Variants in EPSTI1 observed in about 807,000 individuals in gnomAD.
The protein encoded by EPSTI1 is epithelial-stromal interaction protein 1.
In EPSTI1, 66 loss-of-function variants were observed where a neutral mutation model predicts 49.9. The ratio of observed to expected loss-of-function variants is 1.32; its 90% CI spans 1.08 to 1.62. The LOEUF is 1.62. Among genes scored for constraint, EPSTI1 ranks in the 40% most tolerant of loss-of-function variants. EPSTI1 has a pLI of 0.00. For missense variants in EPSTI1, 394 were observed against 365.5 expected, an observed-to-expected ratio of 1.08 and a Z score of -0.64; for synonymous variants, 137 against 130.7, an observed-to-expected ratio of 1.05 and a Z score of -0.33.
rs1389802911 is a variant in EPSTI1, at chr13:42,963,327, TTC to T, written c.415_416del (p.Glu139ArgfsTer10). On this transcript the variant is annotated frameshift_variant, in exon 5 of 11. Coordinates refer to ENST00000313624, the MANE Select transcript of EPSTI1 (RefSeq NM_033255.5). LOFTEE classifies it high-confidence loss of function. ...CTTCCTTCTTGATTCTTACAGATTC[TTC>T]TCTTTTTAGCTAAATTGTATTGAAA... ...QSKYKQKLKR[E>X]ESVRIKKEAE... The T allele has an allele frequency of 3.1e-6, 5 of 1,611,706 alleles. No individual in the cohort carries two copies. Among genetic ancestry groups the T allele is most frequent in the East Asian group, 2.2e-5 (1 of 44,866 alleles).
chr13:42,898,535 T>G (rs7327332), intron 9 of EPSTI1, among the ~76,000 whole-genome samples: 57,813 of 151,978 alleles, frequency 0.38, 11,331 homozygotes, highest in East Asian at 0.59. Flanking sequence ...TGGATTAAAT[T>G]TGGAGCTATA....
At chr13:42,913,107 A>G (rs1395253461) in intron 8 of EPSTI1, among the ~76,000 whole-genome samples, 2 of 151,896 alleles carry the variant, frequency 1.3e-5, no homozygotes, top group African/African-American at 2.4e-5. Context: ...TGGAGAGAAG[A>G]AAAAAAACAG....
chr13:42,895,841 T>C (rs2037174595), intron 9 of EPSTI1, among the ~76,000 whole-genome samples: 1 of 152,130 alleles, frequency 6.6e-6, no homozygotes, highest in Non-Finnish European at 1.5e-5. Context: ...CAACAGATTA[T>C]TTAGGAAGTG....
At chr13:42,991,893 T>G in intron 1 of EPSTI1, 85 bp downstream of exon 1, 3 of 1,507,462 alleles carry the variant, frequency 2.0e-6, no homozygotes, top group Non-Finnish European at 2.7e-6. Flanking sequence ...CCTGTGGTTT[T>G]AAACTCCAAG....
At chr13:42,905,952 C>T (rs953619625) in intron 8 of EPSTI1, among the ~76,000 whole-genome samples, 5 of 152,132 alleles carry the variant, frequency 3.3e-5, no homozygotes, top group South Asian at 4.1e-4. Context: ...TGCATACAAA[C>T]GAGGGTAGGT....
At chr13:42,950,603 T>G (rs934249602) in intron 6 of EPSTI1, among the ~76,000 whole-genome samples, 5 of 152,202 alleles carry the variant, frequency 3.3e-5, no homozygotes, top group African/African-American at 9.6e-5. Context: ...TATCATGAGC[T>G]TTTTCTCCAG....
rs891523537 is a variant in EPSTI1, at chr13:42,886,735, T to C, written c.*1759A>G. ...AGCAAGATGTTTATACCCCCACACA[T>C]ATTCTAGATAGTTCTGGTCATGAAG... On this transcript the variant is annotated 3_prime_UTR_variant, in exon 11 of 11. Coordinates refer to ENST00000313624, the MANE Select transcript of EPSTI1 (RefSeq NM_033255.5). The C allele has an allele frequency of 6.6e-6, 1 of 152,178 alleles. No individual in the cohort carries two copies. Among genetic ancestry groups the C allele is most frequent in the Non-Finnish European group, 1.5e-5 (1 of 68,024 alleles). The allele number at this position is 152,178 out of a possible 1,614,324, so 9.4% of individuals were successfully genotyped here.
chr13:42,987,639 G>T (rs536374042), intron 1 of EPSTI1, among the ~76,000 whole-genome samples: 1 of 152,010 alleles, frequency 6.6e-6, no homozygotes, highest in African/African-American at 2.4e-5. Context: ...GGGCCAAGAC[G>T]ATTCTTCTTC....
At chr13:42,907,032 C>A (rs754618008) in intron 8 of EPSTI1, among the ~76,000 whole-genome samples, 2 of 152,148 alleles carry the variant, frequency 1.3e-5, no homozygotes, top group Non-Finnish European at 2.9e-5. Context: ...GGTACACTAT[C>A]ATCTTACTGT....
At chr13:42,954,159 A>G in intron 5 of EPSTI1, 138 bp from the exon 6 acceptor site, 1 of 641,206 alleles carries the variant, frequency 1.6e-6, no homozygotes, top group South Asian at 2.2e-5. Context: ...AGAGGCTCCA[A>G]GATGGTACTC....
At chr13:42,932,210 G>T (rs566382646) in intron 6 of EPSTI1, among the ~76,000 whole-genome samples, 1 of 152,170 alleles carries the variant, frequency 6.6e-6, no homozygotes, top group East Asian at 1.9e-4. Context: ...TGGGATTACA[G>T]GCACGAGCCA....
chr13:42,938,286 G>A (rs2038632000), intron 6 of EPSTI1, among the ~76,000 whole-genome samples: 1 of 152,086 alleles, frequency 6.6e-6, no homozygotes, highest in Non-Finnish European at 1.5e-5. Context: ...CATTGTCAAT[G>A]AGCAGCAATA....
intron 5 of EPSTI1, among the ~76,000 whole-genome samples, chr13:42,955,877 TG>T (rs57603932): frequency 0.39 from 41,555 of 105,280 alleles, 7,844 homozygotes; most frequent in South Asian, 0.45. Context: ...AAGAAGTATT[TG>T]GGGGGGGGGG....
intron 1 of EPSTI1, among the ~76,000 whole-genome samples, chr13:42,977,123 A>G (rs7319676): frequency 0.62 from 94,558 of 152,080 alleles, 29,497 homozygotes; most frequent in Middle Eastern, 0.83. Flanking sequence ...AGAAGAAAAC[A>G]CTAACAGTCC....
rs144066504 is a variant in EPSTI1, at chr13:42,897,500, T to C, written c.816-2392A>G. The stretch of plus-strand genomic sequence containing the variant: ...CTTTATGGAGTGTAGCCTGATAATG[T>C]AGTTACTGAATGAAACAAATCTTCC... On this transcript the variant is annotated intron_variant, in intron 9 of 10. Transcript: ENST00000313624. Among the ~76,000 whole-genome samples the C allele has an allele frequency of 5.2e-3, 799 of 152,314 alleles. 2 individuals are homozygous for C. Among genetic ancestry groups the C allele is most frequent in the Admixed American group, 8.4e-3 (129 of 15,306 alleles).
At chr13:42,945,263 A>T (rs1330337073) in intron 6 of EPSTI1, among the ~76,000 whole-genome samples, 1 of 152,184 alleles carries the variant, frequency 6.6e-6, no homozygotes. Context: ...CCCTTTATAA[A>T]ATCACCAGAT....
At chr13:42,909,300 G>C (rs545824543) in intron 8 of EPSTI1, among the ~76,000 whole-genome samples, 1 of 152,206 alleles carries the variant, frequency 6.6e-6, no homozygotes, top group South Asian at 2.1e-4. Flanking sequence ...GCGATGGCAA[G>C]AATATGGAGA....
chr13:42,891,317 A>C (rs73468003), intron 10 of EPSTI1, among the ~76,000 whole-genome samples: 4,788 of 152,288 alleles, frequency 0.031, 110 homozygotes, highest in East Asian at 0.1. Flanking sequence ...GTTCCTTGAA[A>C]GTTTAATAGA....
chr13:42,981,662 C>T (rs2039989324), intron 1 of EPSTI1, among the ~76,000 whole-genome samples: 1 of 152,148 alleles, frequency 6.6e-6, no homozygotes, highest in Non-Finnish European at 1.5e-5. Context: ...CTAATCAAAC[C>T]AAAATGTTTT....
Sources: allele counts gnomAD v4.1 joint callset (sites outside exome capture counted in the v4.1 genomes callset), GRCh38; gene constraint gnomAD v4.1.1; transcripts MANE v1.5; gene names NCBI Gene and HGNC (gene_info 2026-07-23, HGNC 2026-07-21).